KIAA1217: variants seen among roughly 807,000 people sequenced by gnomAD.
The protein encoded by KIAA1217 is sickle tail protein homolog.
In KIAA1217, 88 loss-of-function variants were observed where a neutral mutation model predicts 163.9. That is an observed-to-expected ratio of 0.54 (90% confidence interval 0.45 to 0.64). The LOEUF (loss-of-function observed/expected upper bound fraction) is 0.64. Ranked by LOEUF, KIAA1217 falls within the 30% of genes least tolerant of loss-of-function variation. KIAA1217 has a pLI of 0.00. For synonymous variants in KIAA1217, 903 were observed against 923.1 expected, an observed-to-expected ratio of 0.98 and a Z score of 0.39; for missense variants, 2,372 against 2,475.0, an observed-to-expected ratio of 0.96 and a Z score of 0.88.
At chr10:23,770,066 A>T (rs951074033) in intron 1 of KIAA1217, among the ~76,000 whole-genome samples, 3 of 152,220 alleles carry the variant, frequency 2.0e-5, no homozygotes, top group Non-Finnish European at 4.4e-5. Flanking sequence ...ATCCTTCTCC[A>T]TGTACAATGG....
At chr10:24,260,321 G>A (rs1390974757) in intron 2 of KIAA1217, among the ~76,000 whole-genome samples, 1 of 152,112 alleles carries the variant, frequency 6.6e-6, no homozygotes, top group Non-Finnish European at 1.5e-5. Context: ...AAGTGGTTTA[G>A]GAAGCTTCTG....
At chr10:23,737,247 T>C (rs1564378326) in intron 1 of KIAA1217, among the ~76,000 whole-genome samples, 3 of 152,224 alleles carry the variant, frequency 2.0e-5, no homozygotes, top group Admixed American at 6.5e-5. Context: ...GTCATCAGGC[T>C]GGAGCACAGT....
At chr10:23,988,826 A>G (rs1589194007) in intron 1 of KIAA1217, among the ~76,000 whole-genome samples, 1 of 152,036 alleles carries the variant, frequency 6.6e-6, no homozygotes, top group Non-Finnish European at 1.5e-5. Context: ...TGGGAAAATG[A>G]CATTGACTTT....
intron 2 of KIAA1217, among the ~76,000 whole-genome samples, chr10:24,020,761 C>T (rs1361502632): frequency 1.3e-5 from 2 of 151,892 alleles, no homozygotes; most frequent in South Asian, 2.1e-4. Flanking sequence ...TATAAGAACA[C>T]AAGGACTGAG....
At chr10:24,063,572 G>GT (rs2060817873) in intron 2 of KIAA1217, among the ~76,000 whole-genome samples, 1 of 152,096 alleles carries the variant, frequency 6.6e-6, no homozygotes, top group African/African-American at 2.4e-5. Flanking sequence ...GTTAGGTAGC[G>GT]TGATGCCTCC....
At chr10:24,451,257 A>G (rs1285917085) in intron 5 of KIAA1217, among the ~76,000 whole-genome samples, 6 of 152,218 alleles carry the variant, frequency 3.9e-5, no homozygotes, top group Non-Finnish European at 8.8e-5. Flanking sequence ...TGGGAGCAAG[A>G]AAGTATCTTT....
chr10:24,095,529 C>T lies in KIAA1217; in HGVS notation c.-171+88155C>T, dbSNP rs138374462. On this transcript the variant is annotated intron_variant, in intron 2 of 18. Coordinates refer to the KIAA1217 transcript ENST00000376462. ...AAACCACCCTCTCCAGCCTTCCTCC[C>T]ACTGCATTGGCTTCATTTTCTCAGA... Among the ~76,000 whole-genome samples the T allele has an allele frequency of 5.2e-3, 787 of 152,270 alleles. 7 individuals are homozygous for T. In the Middle Eastern group the frequency reaches 0.071, roughly 14 times the overall value.
At chr10:24,211,156 C>T (rs996286180) in intron 1 of KIAA1217, among the ~76,000 whole-genome samples, 8 of 152,074 alleles carry the variant, frequency 5.3e-5, no homozygotes, top group South Asian at 2.1e-4. Context: ...GAAAGAGCTT[C>T]GCTGAAGTGA....
chr10:24,494,763 G>C (rs966977113), intron 7 of KIAA1217, among the ~76,000 whole-genome samples, 159 bp downstream of exon 7: 1 of 152,054 alleles, frequency 6.6e-6, no homozygotes, highest in Non-Finnish European at 1.5e-5. Context: ...TGTTTTGGGG[G>C]GTTTGGTTGC....
chr10:23,986,869 C>A (rs183698336), intron 1 of KIAA1217, among the ~76,000 whole-genome samples: 41 of 152,254 alleles, frequency 2.7e-4, no homozygotes, highest in Non-Finnish European at 5.3e-4. Context: ...ATCTGTCATG[C>A]GTCAGAGTCA....
intron 1 of KIAA1217, among the ~76,000 whole-genome samples, chr10:23,911,411 C>G (rs958281844): frequency 6.6e-6 from 1 of 152,182 alleles, no homozygotes; most frequent in Non-Finnish European, 1.5e-5. Context: ...CAGCTTCAAG[C>G]CTTCTGTCTT....
chr10:24,331,222 C>T (rs1161184312), intron 2 of KIAA1217, among the ~76,000 whole-genome samples: 1 of 152,152 alleles, frequency 6.6e-6, no homozygotes, highest in African/African-American at 2.4e-5. Flanking sequence ...AGATTACAGG[C>T]ATGAGCCACC....
intron 2 of KIAA1217, among the ~76,000 whole-genome samples, chr10:24,145,369 C>T (rs186450567): frequency 2.0e-4 from 31 of 152,314 alleles, no homozygotes; most frequent in East Asian, 1.2e-3. Context: ...TAGTCAGAAG[C>T]TTAAATGATA....
intron 5 of KIAA1217, among the ~76,000 whole-genome samples, chr10:24,467,814 A>G (rs111553921): frequency 6.4e-4 from 95 of 148,474 alleles, no homozygotes; most frequent in Middle Eastern, 3.4e-3. Context: ...GTGTGTGTGT[A>G]TGTGTGTGTG....
chr10:24,389,564 A>T (rs747026360), intron 3 of KIAA1217, among the ~76,000 whole-genome samples: 1 of 151,506 alleles, frequency 6.6e-6, no homozygotes, highest in Non-Finnish European at 1.5e-5. Context: ...AAAAAAAAAG[A>T]AAGAAAGAAA....
At chr10:23,752,206 T>C (rs1366741451) in intron 1 of KIAA1217, among the ~76,000 whole-genome samples, 1 of 152,206 alleles carries the variant, frequency 6.6e-6, no homozygotes, top group Non-Finnish European at 1.5e-5. Flanking sequence ...CCTAGAATCT[T>C]GGAATTTCGC....
chr10:24,039,321 C>T (rs1848528402), intron 2 of KIAA1217, among the ~76,000 whole-genome samples: 1 of 151,902 alleles, frequency 6.6e-6, no homozygotes, highest in African/African-American at 2.4e-5. Context: ...GATAGTTCCA[C>T]TTAGGATTTT....
At chr10:24,171,391 TTAAAA>T (rs1433543177) in intron 2 of KIAA1217, among the ~76,000 whole-genome samples, 2 of 152,240 alleles carry the variant, frequency 1.3e-5, no homozygotes, top group African/African-American at 4.8e-5. Flanking sequence ...ATGAAATACT[TTAAAA>T]TAAATGATCC....
At chr10:24,033,703 T>C (rs1283587958) in intron 2 of KIAA1217, among the ~76,000 whole-genome samples, 1 of 152,198 alleles carries the variant, frequency 6.6e-6, no homozygotes, top group African/African-American at 2.4e-5. Context: ...GAAACAGGAA[T>C]CAGAATACTA....
Sources: allele counts gnomAD v4.1 joint callset (sites outside exome capture counted in the v4.1 genomes callset), GRCh38; gene constraint gnomAD v4.1.1; transcripts MANE v1.5; gene names NCBI Gene and HGNC (gene_info 2026-07-23, HGNC 2026-07-21).